COL16A1: variants seen among roughly 807,000 people sequenced by gnomAD.
COL16A1 encodes the protein collagen type XVI alpha 1 chain.
COL16A1 carries 189 observed loss-of-function variants against 266.3 expected under a neutral mutation model. The observed-to-expected ratio is 0.71, with a 90% CI of 0.63 to 0.80. The LOEUF (loss-of-function observed/expected upper bound fraction) is 0.80, where lower values mean the gene tolerates loss of function less well. COL16A1 is among the 30% of genes least tolerant of loss of function. COL16A1 has a pLI of 0.00. For synonymous variants in COL16A1, 740 were observed against 782.3 expected (o/e 0.95, Z 0.90); for missense variants, 1,928 against 2,122.4 (o/e 0.91, Z 1.80).
intron 2 of COL16A1, chr1:31,701,356 G>A (rs1390771823): frequency 2.0e-6 from 2 of 985,250 alleles, no homozygotes; most frequent in African/African-American, 1.7e-5. Flanking sequence ...ACACATATGT[G>A]CACATACAAG....
rs1390506246 is a variant in COL16A1, at chr1:31,662,517, ACACACACATGCAC to A, written c.3627+57_3627+69del. 40 of 1,543,620 alleles carry A rather than the reference ACACACACATGCAC, an allele frequency of 2.6e-5. No homozygotes were observed. In the East Asian group the frequency reaches 8.7e-4, roughly 34 times the overall value. On this transcript the variant is annotated intron_variant, in intron 57 of 70. Coordinates refer to ENST00000373672, the MANE Select transcript of COL16A1 (RefSeq NM_001856.4). ...CCTCAGCACACACACACAGGTGCAC[ACACACACATGCAC>A]CACACACATGCGCATGCATCGCACA...
chr1:31,662,546 G>A, intron 57 of COL16A1, 41 bp downstream of exon 57: 14 of 1,553,308 alleles, frequency 9.0e-6, no homozygotes, highest in Non-Finnish European at 1.2e-5. Context: ...ACATGCGCAT[G>A]CATCGCACAC....
intron 13 of COL16A1, 93 bp downstream of exon 13, chr1:31,692,995 GCTTT>G (rs1644342340): frequency 3.9e-6 from 4 of 1,012,844 alleles, no homozygotes; most frequent in Non-Finnish European, 6.1e-6. Context: ...CAAGCTGCAG[GCTTT>G]CTGCCGGGAT....
rs1294950369 is a variant in COL16A1, at chr1:31,659,013, C to G, written c.3880-49G>C. On this transcript the variant is annotated intron_variant, in intron 62 of 70. Transcript: ENST00000373672. ...ATAGAAACAGGTTCTAATAGTAAGA[C>G]CCCTGGGAGGCACAGGGCCTGACAG... 12 of 1,524,726 alleles carry G rather than the reference C, an allele frequency of 7.9e-6. No homozygotes were observed. In the East Asian group the frequency reaches 2.9e-4, roughly 37 times the overall value. The allele number at this position is 1,524,726 out of a possible 1,614,324, so 94.4% of individuals were successfully genotyped here.
intron 60 of COL16A1, 89 bp downstream of exon 60, chr1:31,661,325 T>C: frequency 6.2e-7 from 1 of 1,600,112 alleles, no homozygotes; most frequent in Non-Finnish European, 8.5e-7. Context: ...GGATGGCCTC[T>C]CTGCCCAGGA....
chr1:31,695,854 C>T (rs546303882), intron 9 of COL16A1, 67 bp from the exon 10 acceptor site: 13 of 1,442,506 alleles, frequency 9.0e-6, no homozygotes, highest in Middle Eastern at 1.8e-4. Flanking sequence ...GTTTCCAACA[C>T]CCCTACCCCC....
rs1644347698 is a variant in COL16A1, at chr1:31,693,095, T to C, written c.1068A>G (p.Ala356=). The stretch of plus-strand genomic sequence containing the variant: ...CGGGCAGGGCTGGGACACTTACCCG[T>C]GCTCCCTTCTCTCCCTTGGAGCCTG... The part of the protein sequence containing the change: ...GPPGSKGEKG[A]RGNDCVRISP... The change falls in exon 13 of 71, where the codon GCA becomes GCG. Residue 356 remains alanine, a synonymous_variant. Coordinates refer to ENST00000373672, the MANE Select transcript of COL16A1 (RefSeq NM_001856.4). 6.2e-7 allele frequency: 1 copy of C among 1,605,132 alleles called. No individual in the cohort carries two copies. Among genetic ancestry groups the C allele is most frequent in the South Asian group, 1.1e-5 (1 of 90,728 alleles).
In COL16A1 at chr1:31,698,664, A is replaced by G; in HGVS notation, c.267-58T>C. On this transcript the variant is annotated intron_variant, in intron 4 of 70. Coordinates refer to ENST00000373672, the MANE Select transcript of COL16A1 (RefSeq NM_001856.4). This position sits in a 1 kb window ranked among gnomAD's most constrained non-coding sequence, Gnocchi z 4.1. Reference sequence around the variant, plus strand: ...TCCAATGAGGACCCAAATGCTGCCCACCCTGAGCCCTCAGGACTGCTGAGC... The same window carrying G: ...TCCAATGAGGACCCAAATGCTGCCCGCCCTGAGCCCTCAGGACTGCTGAGC... 6.3e-7 allele frequency: 1 copy of G among 1,598,010 alleles called. No homozygotes were observed. The highest frequency in any genetic ancestry group is 2.2e-5 in the East Asian group (1 of 44,798).
chr1:31,690,286 A>T, intron 22 of COL16A1, 81 bp downstream of exon 22: 1 of 1,597,442 alleles, frequency 6.3e-7, no homozygotes. Flanking sequence ...CCCTAGGCCT[A>T]GGGCCCTTGA....
chr1:31,702,959 GGCCAGCAGA>G (rs1436439011), intron 1 of COL16A1, among the ~76,000 whole-genome samples: 1 of 152,122 alleles, frequency 6.6e-6, no homozygotes, highest in Admixed American at 6.5e-5. Context: ...CTCAGCAAGT[GGCCAGCAGA>G]GCCATACATC....
At chr1:31,655,679 C>A (rs1641074955) in intron 66 of COL16A1, 177 bp from the exon 67 acceptor site, 2 of 1,054,958 alleles carry the variant, frequency 1.9e-6, no homozygotes, top group Admixed American at 2.8e-5. Flanking sequence ...AGACAGTTCT[C>A]CTGGTGTTAC....
At chr1:31,694,120 G>A in intron 12 of COL16A1, 24 bp downstream of exon 12, 1 of 1,597,596 alleles carries the variant, frequency 6.3e-7, no homozygotes, top group Non-Finnish European at 8.6e-7. Flanking sequence ...GGACGGGAAT[G>A]TCCCGTTCTC....
intron 10 of COL16A1, 65 bp from the exon 11 acceptor site, chr1:31,695,286 A>G: frequency 6.7e-7 from 1 of 1,484,916 alleles, no homozygotes; most frequent in Non-Finnish European, 9.4e-7. Context: ...CCCCACCTCC[A>G]TCACCACCAG....
chr1:31,654,946 A>G, intron 67 of COL16A1, 88 bp from the exon 68 acceptor site: 1 of 1,495,358 alleles, frequency 6.7e-7, no homozygotes, highest in Non-Finnish European at 9.0e-7. Flanking sequence ...AGGAAGGCAA[A>G]GGTCCCAGGA....
intron 49 of COL16A1, among the ~76,000 whole-genome samples, chr1:31,669,609 G>A (rs1389510220): frequency 6.6e-6 from 1 of 151,816 alleles, no homozygotes; most frequent in African/African-American, 2.4e-5. Flanking sequence ...CAAGCAAGCA[G>A]AAACAGACAA....
chr1:31,661,516 ACTC>A (rs1249125698), intron 59 of COL16A1, 58 bp from the exon 60 acceptor site: 8 of 1,613,314 alleles, frequency 5.0e-6, no homozygotes. Context: ...GCCTCTTCCC[ACTC>A]CTCCTTCCTC....
intron 42 of COL16A1, among the ~76,000 whole-genome samples, chr1:31,676,862 C>T (rs774899317): frequency 6.6e-5 from 10 of 152,202 alleles, no homozygotes; most frequent in Non-Finnish European, 1.2e-4. Flanking sequence ...CACAGGATTT[C>T]CTTGGCGCAC....
At position 31,656,257 on chromosome 1, in the gene COL16A1, A is replaced by G. The variant is rs1312044317; in HGVS notation, c.4101+143T>C. ...GACCCCATGTGAGAAATTTTCAGACACTATCCTGCTCCAAGTTCTGCATTT... is the reference window on the plus strand; with the variant it reads ...GACCCCATGTGAGAAATTTTCAGACGCTATCCTGCTCCAAGTTCTGCATTT... On this transcript the variant is annotated intron_variant, in intron 66 of 70. Coordinates refer to ENST00000373672, the MANE Select transcript of COL16A1 (RefSeq NM_001856.4). The surrounding 1 kb of genome is among the most constrained non-coding windows in gnomAD (Gnocchi z 4.2). 7.1e-7 allele frequency: 1 copy of G among 1,409,276 alleles called. No individual in the cohort carries two copies. The highest frequency in any genetic ancestry group is 9.6e-7 in the Non-Finnish European group (1 of 1,041,654). The allele number at this position is 1,409,276 out of a possible 1,614,324, so 87.3% of individuals were successfully genotyped here. A position where few individuals can be genotyped will look rare whatever the true frequency, so the allele number is the denominator to read the frequency against.
chr1:31,670,501 C>A lies in COL16A1; in HGVS notation c.3195+101G>T. 2.3e-6 allele frequency: 3 copies of A among 1,278,754 alleles called. No individual in the cohort carries two copies. The highest frequency in any genetic ancestry group is 3.0e-6 in the Non-Finnish European group (3 of 1,000,110). The allele number at this position is 1,278,754 out of a possible 1,614,324, so 79.2% of individuals were successfully genotyped here. A position where few individuals can be genotyped will look rare whatever the true frequency, so the allele number is the denominator to read the frequency against. ...CGTGCCTGAAGGGGGACAACAAACA[C>A]GGAGGACGGAGGTGAAGGCACGACA... On this transcript the variant is annotated intron_variant, in intron 49 of 70. Coordinates refer to ENST00000373672, the MANE Select transcript of COL16A1 (RefSeq NM_001856.4). This position sits in a 1 kb window ranked among gnomAD's most constrained non-coding sequence, Gnocchi z 4.5.
Sources: gnomAD v4.1 joint callset for allele counts (sites outside exome capture counted in the v4.1 genomes callset) on GRCh38, gnomAD v4.1.1 for gene constraint, Gnocchi (gnomAD v3.1) non-coding constraint, MANE v1.5 for transcripts, NCBI Gene and HGNC (gene_info 2026-07-23, HGNC 2026-07-21) for gene names.